Variants in CERCAM observed in about 807,000 individuals in gnomAD.
CERCAM encodes cerebral endothelial cell adhesion molecule, also known as inactive glycosyltransferase 25 family member 3.
Under a neutral mutation model 66.0 loss-of-function variants are expected in CERCAM, and 59 were observed. That is an observed-to-expected ratio of 0.89 (90% confidence interval 0.73 to 1.11). CERCAM has a LOEUF of 1.11. Ranked by LOEUF, CERCAM falls within the 50% of genes most tolerant of loss-of-function variation. The probability of loss-of-function intolerance (pLI) is 0.00; values close to 1 mark genes in which losing one functional copy is unlikely to be tolerated. For synonymous variants in CERCAM, 318 were observed against 343.6 expected (o/e 0.93, Z 0.83); for missense variants, 840 against 828.3 (o/e 1.01, Z -0.17).
At chr9:128,431,426 C>A in intron 9 of CERCAM, 123 bp downstream of exon 9, 2 of 1,324,094 alleles carry the variant, frequency 1.5e-6, no homozygotes, top group Non-Finnish European at 2.1e-6. Flanking sequence ...CAGCAGCTTT[C>A]AATCTCCTCT....
In CERCAM at chr9:128,434,342, C is replaced by T. The variant is rs1295450171; in HGVS notation, c.1332-68C>T. Reference sequence around the variant, plus strand: ...CCCTGAGAGCCTGGCCCTGTAGGAGCGGGTGTGGGAGGGTCCCATGACACC... The same window carrying T: ...CCCTGAGAGCCTGGCCCTGTAGGAGTGGGTGTGGGAGGGTCCCATGACACC... On this transcript the variant is annotated intron_variant, in intron 10 of 12. Coordinates refer to ENST00000372838, the MANE Select transcript of CERCAM (RefSeq NM_016174.5). The surrounding 1 kb of genome is among the most constrained non-coding windows in gnomAD (Gnocchi z 4.5). 5.6e-6 allele frequency: 9 copies of T among 1,601,766 alleles called. No homozygotes were observed. Among genetic ancestry groups the T allele is most frequent in the Middle Eastern group, 1.7e-4 (1 of 5,898 alleles).
chr9:128,428,831 G>A lies in CERCAM; in HGVS notation c.961G>A (p.Glu321Lys), dbSNP rs756316111. Residue 321 changes from glutamate to lysine, a missense_variant and splice_region_variant, in exon 7 of 13, where the codon GAG (glutamate) becomes AAG (lysine). Physicochemically the swap from Glu to Lys is moderately conservative, Grantham distance 56. Transcript: ENST00000372838. ...GAGGCCCAGCAAGATAGGGTTTGAC[G>A]AGGTAAGTCCCCCAGCCTGTGGGCT... ...SKRPSKIGFD[E>K]VFVISLARRP... The A allele has an allele frequency of 9.3e-6, 15 of 1,613,862 alleles. No individual in the cohort carries two copies. The highest frequency in any genetic ancestry group is 2.7e-5 in the African/African-American group (2 of 74,900).
chr9:128,423,034 G>A lies in CERCAM; in HGVS notation c.308+56G>A. 11 of 1,612,282 alleles carry A rather than the reference G, an allele frequency of 6.8e-6. No homozygotes were observed. In the South Asian group the frequency reaches 1.2e-4, roughly 18 times the overall value. On this transcript the variant is annotated intron_variant, in intron 2 of 12. Coordinates refer to ENST00000372838, the MANE Select transcript of CERCAM (RefSeq NM_016174.5). ...AGATGGAGAACAGCTGCAGCCCAGAGAGGAAAAGGGACAGCCCAGAGCCAC... is the reference window on the plus strand; with the variant it reads ...AGATGGAGAACAGCTGCAGCCCAGAAAGGAAAAGGGACAGCCCAGAGCCAC...
chr9:128,430,820 A>AGCCTG, intron 8 of CERCAM: 1 of 180,362 alleles, frequency 5.5e-6, no homozygotes, highest in South Asian at 1.2e-4. Flanking sequence ...GTTCGAGACC[A>AGCCTG]GCCTGGCCAA....
intron 5 of CERCAM, among the ~76,000 whole-genome samples, chr9:128,428,091 G>GT (rs1833887162): frequency 6.6e-6 from 1 of 152,114 alleles, no homozygotes; most frequent in Non-Finnish European, 1.5e-5. Context: ...CCCTGGACAG[G>GT]TATATTGAAT....
At chr9:128,428,123 A>C (rs768643369) in intron 5 of CERCAM, among the ~76,000 whole-genome samples, 179 bp from the exon 6 acceptor site, 9 of 152,172 alleles carry the variant, frequency 5.9e-5, no homozygotes. Context: ...TTCAGTAGAA[A>C]GACCCCTTAG....
chr9:128,429,447 T>TA (rs1833924602), intron 8 of CERCAM, among the ~76,000 whole-genome samples: 1 of 152,090 alleles, frequency 6.6e-6, no homozygotes, highest in Non-Finnish European at 1.5e-5. Flanking sequence ...TCTCCCTTAT[T>TA]ATTACTCTCC....
chr9:128,420,087 T>G (rs1477876675), upstream of CERCAM: 1 of 152,394 alleles, frequency 6.6e-6, no homozygotes, highest in Non-Finnish European at 1.5e-5. The surrounding 1 kb of genome is among the most constrained non-coding windows in gnomAD (Gnocchi z 5.0). Context: ...GCCAGGCTGG[T>G]CTTGAACTGA....
chr9:128,428,877 G>C, intron 7 of CERCAM, 44 bp downstream of exon 7: 6 of 1,603,076 alleles, frequency 3.7e-6, no homozygotes, highest in Non-Finnish European at 5.1e-6. Context: ...AGGTGGATGG[G>C]CCCTCCTCTT....
At chr9:128,426,901 A>G (rs1833859268) in intron 5 of CERCAM, among the ~76,000 whole-genome samples, 1 of 152,218 alleles carries the variant, frequency 6.6e-6, no homozygotes, top group South Asian at 2.1e-4. Flanking sequence ...AAGTGCAAAA[A>G]GTGAGTGAAG....
chr9:128,432,446 G>A (rs1409948835), intron 9 of CERCAM, among the ~76,000 whole-genome samples: 2 of 148,706 alleles, frequency 1.3e-5, no homozygotes, highest in Admixed American at 6.8e-5. Flanking sequence ...GTGCAGTGGC[G>A]TGATCTTGGC....
At chr9:128,427,914 TGGTGGGGATCAGGAGAGGTGGGGG>T (rs1833883025) in intron 5 of CERCAM, 2 of 140,946 alleles carry the variant, frequency 1.4e-5, no homozygotes, top group Admixed American at 7.6e-5. Flanking sequence ...CCAGGTGGGG[TGGTGGGGATCAGGAGAGGTGGGGG>T]GATTTAGGAG....
chr9:128,434,554 T>C lies in CERCAM; in HGVS notation c.1476T>C (p.Pro492=). 1.9e-6 allele frequency: 3 copies of C among 1,612,110 alleles called. No individual in the cohort carries two copies. Among genetic ancestry groups the C allele is most frequent in the Non-Finnish European group, 2.5e-6 (3 of 1,179,954 alleles). The change falls in exon 11 of 13, where the codon CCT becomes CCC. Residue 492 remains proline, a synonymous_variant. Coordinates refer to ENST00000372838, the MANE Select transcript of CERCAM (RefSeq NM_016174.5). The surrounding 1 kb of genome is among the most constrained non-coding windows in gnomAD (Gnocchi z 4.5). ...AGARKLLASQ[P]LRRMLPVDEF... ...CCCGCAAGCTGCTGGCCTCACAGCC[T>C]CTGCGCCGCATGCTGCCCGTGGACG...
chr9:128,424,704 T>G, intron 5 of CERCAM, 90 bp downstream of exon 5: 1 of 1,183,550 alleles, frequency 8.4e-7, no homozygotes, highest in Admixed American at 1.8e-5. Flanking sequence ...TTCCCTACTC[T>G]GCATTTCATC....
At position 128,431,248 on chromosome 9, in the gene CERCAM, C is replaced by A; in HGVS notation, c.1148C>A (p.Thr383Asn). The A allele has an allele frequency of 6.2e-7, 1 of 1,614,134 alleles. No homozygotes were observed. Among genetic ancestry groups the A allele is most frequent in the Non-Finnish European group, 8.5e-7 (1 of 1,180,026 alleles). The change falls in exon 9 of 13, where the codon ACT becomes AAT. Residue 383 changes from threonine (T) to asparagine (N), a missense_variant. Thr to Asn is a moderately conservative substitution (Grantham distance 65, BLOSUM62 0). Transcript: ENST00000372838. ...PGYQDPYSGR[T>N]LTKGEVGCFL... ...TACCAGGACCCTTACTCGGGCCGCA[C>A]TCTGACCAAGGGCGAGGTGGGCTGC...
chr9:128,422,551 G>C (rs1432533886), intron 1 of CERCAM: 1 of 264,466 alleles, frequency 3.8e-6, no homozygotes, highest in Admixed American at 4.6e-5. Flanking sequence ...CTGGGCGACA[G>C]AGCAAGATTC....
chr9:128,431,367 A>G, intron 9 of CERCAM, 64 bp downstream of exon 9: 1 of 1,595,678 alleles, frequency 6.3e-7, no homozygotes, highest in Non-Finnish European at 8.6e-7. Context: ...TGTTCTATTC[A>G]CTGCTCTGTG....
At chr9:128,430,921 A>T (rs1020442721) in intron 8 of CERCAM, 1 of 388,188 alleles carries the variant, frequency 2.6e-6, no homozygotes, top group Non-Finnish European at 4.6e-6. Context: ...AGGCAGGAAA[A>T]TCACTTGAAC....
chr9:128,423,442 C>T (rs1241885975), intron 3 of CERCAM, among the ~76,000 whole-genome samples, 179 bp downstream of exon 3: 1 of 152,022 alleles, frequency 6.6e-6, no homozygotes, highest in Non-Finnish European at 1.5e-5. Context: ...CATGGTGATA[C>T]CCCATCTCTA....
Sources: allele counts gnomAD v4.1 joint callset (sites outside exome capture counted in the v4.1 genomes callset), GRCh38; gene constraint gnomAD v4.1.1; non-coding constraint Gnocchi (gnomAD v3.1); transcripts MANE v1.5; gene names NCBI Gene and HGNC (gene_info 2026-07-23, HGNC 2026-07-21).